The following FAM227A variants were observed in gnomAD, a reference collection of about 807,000 sequenced individuals.
The protein encoded by FAM227A is protein FAM227A.
FAM227A carries 80 observed loss-of-function variants against 74.7 expected under a neutral mutation model. The ratio of observed to expected loss-of-function variants is 1.07; its 90% CI spans 0.89 to 1.29. The LOEUF (loss-of-function observed/expected upper bound fraction) is 1.29. Ranked by LOEUF, FAM227A falls within the 50% of genes most tolerant of loss-of-function variation. The pLI, the probability that FAM227A is intolerant of heterozygous loss-of-function variation, is 0.00. For missense variants in FAM227A, 654 were observed against 683.4 expected, an observed-to-expected ratio of 0.96 and a Z score of 0.48; for synonymous variants, 237 against 241.8, an observed-to-expected ratio of 0.98 and a Z score of 0.19.
chr22:38,627,546 C>T (rs564277754), intron 8 of FAM227A, among the ~76,000 whole-genome samples: 5 of 151,268 alleles, frequency 3.3e-5, no homozygotes, highest in East Asian at 1.9e-4. Flanking sequence ...CCAGCCTGGG[C>T]GACAGAGTGA....
intron 3 of FAM227A, among the ~76,000 whole-genome samples, chr22:38,643,934 T>A (rs1293305406): frequency 3.3e-5 from 5 of 151,364 alleles, no homozygotes; most frequent in Admixed American, 3.3e-4. Context: ...GATCACGAGG[T>A]CAGGAGATCG....
At chr22:38,588,704 C>T (rs1319360688) in intron 16 of FAM227A, among the ~76,000 whole-genome samples, 4 of 143,938 alleles carry the variant, frequency 2.8e-5, no homozygotes, top group Admixed American at 7.1e-5. Flanking sequence ...GGGTGGATCA[C>T]GAGGTCAGGA....
intron 13 of FAM227A, among the ~76,000 whole-genome samples, chr22:38,601,919 C>A (rs1160499226): frequency 6.6e-6 from 1 of 151,980 alleles, no homozygotes; most frequent in African/African-American, 2.4e-5. Context: ...AATAGACAGC[C>A]AGGAGGAAAC....
intron 13 of FAM227A, among the ~76,000 whole-genome samples, chr22:38,602,368 T>C (rs1490216005): frequency 6.6e-6 from 1 of 151,866 alleles, no homozygotes; most frequent in Admixed American, 6.6e-5. Context: ...GAGGACAAAA[T>C]TGCCCCAGTT....
intron 10 of FAM227A, among the ~76,000 whole-genome samples, chr22:38,622,053 C>T (rs1394908421): frequency 3.3e-5 from 5 of 152,206 alleles, no homozygotes; most frequent in Non-Finnish European, 7.3e-5. Context: ...AAGACATGCC[C>T]ACCAGGCATC....
At chr22:38,587,634 T>C (rs749231716) in intron 16 of FAM227A, among the ~76,000 whole-genome samples, 3 of 152,218 alleles carry the variant, frequency 2.0e-5, no homozygotes, top group Admixed American at 6.5e-5. Context: ...GCTTCATTTG[T>C]GAATTCTACC....
intron 9 of FAM227A, 137 bp from the exon 10 acceptor site, chr22:38,623,416 T>C: frequency 1.8e-6 from 1 of 567,166 alleles, no homozygotes; most frequent in South Asian, 2.5e-5. Flanking sequence ...GGACTCCGTC[T>C]CTATTTAAAA....
In FAM227A at chr22:38,581,119, T is replaced by C. The variant is rs1159297487; in HGVS notation, c.*5006A>G. On this transcript the variant is annotated 3_prime_UTR_variant, in exon 17 of 17. Coordinates refer to ENST00000535113, the MANE Select transcript of FAM227A (RefSeq NM_001013647.2). ...AAAAGTCACAATATGAACTTACAGG[T>C]GAGAACACGTTTGACGTGCTTCAAA... 1.3e-5 allele frequency: 2 copies of C among 152,184 alleles called. No homozygotes were observed. The highest frequency in any genetic ancestry group is 2.4e-5 in the African/African-American group (1 of 41,446). The allele number at this position is 152,184 out of a possible 1,614,324, so 9.4% of individuals were successfully genotyped here. A position where few individuals can be genotyped will look rare whatever the true frequency, so the allele number is the denominator to read the frequency against.
At chr22:38,648,355 C>A (rs1465712611) in intron 2 of FAM227A, among the ~76,000 whole-genome samples, 1 of 151,606 alleles carries the variant, frequency 6.6e-6, no homozygotes, top group Non-Finnish European at 1.5e-5. Flanking sequence ...GCCTGTAATC[C>A]CAAGCACTTT....
intron 6 of FAM227A, among the ~76,000 whole-genome samples, chr22:38,633,662 C>G (rs2091952685): frequency 6.6e-6 from 1 of 152,152 alleles, no homozygotes; most frequent in Non-Finnish European, 1.5e-5. Flanking sequence ...CTGCCTCAGC[C>G]TCCTGAGTAG....
At chr22:38,636,777 T>C (rs2092016039) in intron 5 of FAM227A, among the ~76,000 whole-genome samples, 180 bp from the exon 6 acceptor site, 1 of 150,292 alleles carries the variant, frequency 6.7e-6, no homozygotes, top group African/African-American at 2.5e-5. Context: ...TTTCTTTTTT[T>C]TTTTTTTTTT....
rs527314296 is a variant in FAM227A at position 38,654,560 on chromosome 22, AATCCC to A, written c.-95+1555_-95+1559del. ...GCTGAATGCAGTGGCTCATACCTGTAATCCCAATACTTTGGGAGGTGGGGATGATG... is the reference window on the plus strand; with the variant it reads ...GCTGAATGCAGTGGCTCATACCTGTAAATACTTTGGGAGGTGGGGATGATG... On this transcript the variant is annotated intron_variant, in intron 1 of 16. Coordinates refer to ENST00000535113, the MANE Select transcript of FAM227A (RefSeq NM_001013647.2). Among the ~76,000 whole-genome samples, 51 of 151,638 alleles carry A rather than the reference AATCCC, an allele frequency of 3.4e-4. No individual in the cohort carries two copies. The East Asian group carries it at 9.8e-3, about 29-fold the overall frequency.
chr22:38,634,968 C>G (rs551492479), intron 6 of FAM227A, among the ~76,000 whole-genome samples: 157 of 152,108 alleles, frequency 1.0e-3, no homozygotes, highest in Admixed American at 2.8e-3. Flanking sequence ...AGGAGGGGGT[C>G]GGGCGCAGTG....
chr22:38,626,089 G>T, intron 9 of FAM227A, 91 bp downstream of exon 9: 1 of 1,274,218 alleles, frequency 7.8e-7, no homozygotes, highest in Non-Finnish European at 1.1e-6. Context: ...CTTCATGAAG[G>T]GGTGTCATAG....
At chr22:38,592,691 T>C (rs1354591403) in intron 15 of FAM227A, among the ~76,000 whole-genome samples, 1 of 152,310 alleles carries the variant, frequency 6.6e-6, no homozygotes, top group African/African-American at 2.4e-5. Context: ...CTATGAACTT[T>C]CATATCTACT....
At chr22:38,599,286 G>C (rs2091118936) in intron 14 of FAM227A, among the ~76,000 whole-genome samples, 1 of 152,038 alleles carries the variant, frequency 6.6e-6, no homozygotes, top group Non-Finnish European at 1.5e-5. Context: ...CTTGAGATCT[G>C]AGCTTTCTAT....
chr22:38,582,856 G>A lies in FAM227A; in HGVS notation c.*3269C>T. Reference sequence around the variant, plus strand: ...GAGCATAATGCAGTGGAGCACTTGTGCCTACCTTGCTCCTGGTATATTAGG... The same window carrying A: ...GAGCATAATGCAGTGGAGCACTTGTACCTACCTTGCTCCTGGTATATTAGG... On this transcript the variant is annotated 3_prime_UTR_variant, in exon 17 of 17. Transcript: ENST00000535113. 1 of 1,550,412 alleles carries A rather than the reference G, an allele frequency of 6.4e-7. No homozygotes were observed. Among genetic ancestry groups the A allele is most frequent in the Non-Finnish European group, 8.7e-7 (1 of 1,146,976 alleles).
chr22:38,634,780 C>G (rs370447789), intron 6 of FAM227A, among the ~76,000 whole-genome samples: 91 of 152,302 alleles, frequency 6.0e-4, no homozygotes, highest in African/African-American at 2.2e-3. Context: ...CGCTGCCAGG[C>G]CCAGAGACCA....
At chr22:38,649,211 T>C (rs2092287656) in intron 2 of FAM227A, among the ~76,000 whole-genome samples, 1 of 152,012 alleles carries the variant, frequency 6.6e-6, no homozygotes, top group African/African-American at 2.4e-5. Flanking sequence ...AATACTGGAG[T>C]CAAACAGTCC....
Sources: allele counts gnomAD v4.1 joint callset (sites outside exome capture counted in the v4.1 genomes callset), GRCh38; gene constraint gnomAD v4.1.1; transcripts MANE v1.5; gene names NCBI Gene and HGNC (gene_info 2026-07-23, HGNC 2026-07-21).